The following FRYL variants were observed in gnomAD, a reference collection of about 807,000 sequenced individuals.
FRYL encodes protein furry homolog-like.
A neutral mutation model predicts 351.2 loss-of-function variants in FRYL; 150 were observed. The observed-to-expected ratio is 0.43, with a 90% CI of 0.37 to 0.49. The LOEUF (loss-of-function observed/expected upper bound fraction) is 0.49, where lower values mean the gene tolerates loss of function less well. FRYL is among the 20% of genes least tolerant of loss of function. FRYL has a pLI of 0.00. For missense variants in FRYL, 3,036 were observed against 3,619.3 expected, an observed-to-expected ratio of 0.84 and a Z score of 4.13; for synonymous variants, 1,153 against 1,257.1, an observed-to-expected ratio of 0.92 and a Z score of 1.75.
intron 1 of FRYL, among the ~76,000 whole-genome samples, chr4:48,719,361 T>TA (rs1298218108): frequency 1.3e-5 from 2 of 151,628 alleles, no homozygotes; most frequent in Non-Finnish European, 2.9e-5. Flanking sequence ...GAAATTCCTC[T>TA]AAAATCATTT....
At chr4:48,671,043 T>C (rs1226582575) in intron 3 of FRYL, among the ~76,000 whole-genome samples, 1 of 152,220 alleles carries the variant, frequency 6.6e-6, no homozygotes, top group Non-Finnish European at 1.5e-5. Flanking sequence ...CCATAGTGGT[T>C]GTACTAATGT....
At chr4:48,508,488 G>C (rs112135545) in intron 59 of FRYL, among the ~76,000 whole-genome samples, 1,595 of 152,212 alleles carry the variant, frequency 0.01, 32 homozygotes, top group African/African-American at 0.035. Context: ...TTTATTTGTA[G>C]GTATTTGATA....
rs1309236087 is a variant in FRYL at position 48,567,301 on chromosome 4, T to C, written c.3116A>G (p.Asp1039Gly). The change falls in exon 28 of 64, where the codon GAT becomes GGT. Residue 1039 changes from aspartate (D) to glycine (G), a missense_variant. Asp to Gly is a moderately conservative substitution (Grantham distance 94, BLOSUM62 -1). This residue lies in a region of FRYL where 492 missense variants were observed against 551.5 expected (regional missense o/e 0.89). Coordinates refer to ENST00000358350, the MANE Select transcript of FRYL (RefSeq NM_015030.2). This position sits in a 1 kb window ranked among gnomAD's most constrained non-coding sequence, Gnocchi z 4.2. ...ENEKDSDTLK[D>G]IRCHFSALVA... ...TAAGGCACTAAAATGGCATCGTATATCCTTCAGTGTGTCAGAGTCTTTTTC... is the reference window on the plus strand; with the variant it reads ...TAAGGCACTAAAATGGCATCGTATACCCTTCAGTGTGTCAGAGTCTTTTTC... The C allele has an allele frequency of 6.2e-7, 1 of 1,612,856 alleles. No homozygotes were observed. Among genetic ancestry groups the C allele is most frequent in the African/African-American group, 1.3e-5 (1 of 74,908 alleles).
At chr4:48,689,895 C>CTTTTTTTTT (rs869300628) in intron 2 of FRYL, among the ~76,000 whole-genome samples, 6 of 135,670 alleles carry the variant, frequency 4.4e-5, no homozygotes, top group Non-Finnish European at 6.4e-5. Flanking sequence ...TTCTTTTTTT[C>CTTTTTTTTT]TTTTTTTTTT....
chr4:48,696,120 G>A (rs1428524168), intron 2 of FRYL, among the ~76,000 whole-genome samples: 1 of 152,152 alleles, frequency 6.6e-6, no homozygotes, highest in African/African-American at 2.4e-5. Flanking sequence ...ACAGGGTGGC[G>A]ATTCCTCAAG....
chr4:48,569,643 T>A (rs1297964052), intron 27 of FRYL, among the ~76,000 whole-genome samples: 2 of 152,124 alleles, frequency 1.3e-5, no homozygotes, highest in African/African-American at 2.4e-5. Flanking sequence ...GAAAAGTAAA[T>A]CAATGGTTTA....
chr4:48,623,120 T>G lies in FRYL; in HGVS notation c.174+6A>C. The G allele has an allele frequency of 1.3e-6, 2 of 1,577,898 alleles. No homozygotes were observed. Among genetic ancestry groups the G allele is most frequent in the Non-Finnish European group, 1.7e-6 (2 of 1,159,884 alleles). ...GGAAAAAAAAATTCTCCCAAAATTG[T>G]CATACCTGATCAAACTGAAGATCTT... On this transcript the variant is annotated splice_donor_region_variant and intron_variant, in intron 5 of 63. Coordinates refer to ENST00000358350, the MANE Select transcript of FRYL (RefSeq NM_015030.2).
chr4:48,708,915 T>G (rs149648465), intron 2 of FRYL, among the ~76,000 whole-genome samples: 5 of 138,920 alleles, frequency 3.6e-5, no homozygotes, highest in African/African-American at 8.1e-5. Flanking sequence ...CGTGTGTTTT[T>G]TTTTTTGTTT....
chr4:48,614,833 T>G (rs1172376614), intron 7 of FRYL, among the ~76,000 whole-genome samples: 3 of 129,154 alleles, frequency 2.3e-5, no homozygotes, highest in African/African-American at 8.9e-5. Context: ...TTTTTTTTTT[T>G]TTTTTTTTTT....
At chr4:48,722,046 G>A (rs755878010) in intron 1 of FRYL, among the ~76,000 whole-genome samples, 6 of 152,262 alleles carry the variant, frequency 3.9e-5, no homozygotes, top group Non-Finnish European at 5.9e-5. Context: ...GTTGGGTAAA[G>A]CGTAGAAGAT....
chr4:48,574,861 A>T (rs577132145), intron 25 of FRYL, among the ~76,000 whole-genome samples: 1 of 152,298 alleles, frequency 6.6e-6, no homozygotes, highest in East Asian at 1.9e-4. Flanking sequence ...GCATTTCATT[A>T]TTTCTAGAAC....
intron 11 of FRYL, among the ~76,000 whole-genome samples, chr4:48,604,666 G>A (rs1746390039): frequency 6.6e-6 from 1 of 152,176 alleles, no homozygotes; most frequent in East Asian, 1.9e-4. Flanking sequence ...CAACCTGCTG[G>A]CACTTTGATC....
chr4:48,575,377 C>T (rs1343319493), intron 24 of FRYL, 136 bp from the exon 25 acceptor site: 6 of 893,184 alleles, frequency 6.7e-6, no homozygotes, highest in Non-Finnish European at 1.0e-5. Flanking sequence ...TCAAATTTCA[C>T]CTGGGGTGTA....
Position 48,499,667 on chromosome 4 carries a change from T to G in FRYL, c.8797A>C (p.Ser2933Arg). 1 of 1,613,810 alleles carries G rather than the reference T, an allele frequency of 6.2e-7. No homozygotes were observed. Among genetic ancestry groups the G allele is most frequent in the African/African-American group, 1.3e-5 (1 of 75,020 alleles). ...TCTTCACAACTGCCAAAGATATCACTGGGCCAGAGAGATCTGAAAATACAC... is the reference window on the plus strand; with the variant it reads ...TCTTCACAACTGCCAAAGATATCACGGGGCCAGAGAGATCTGAAAATACAC... ...QVKAFRSLWP[S>R]DIFGSCEDDP... is the part of the protein sequence containing the mutation. Residue 2933 changes from serine (S) to arginine (R), a missense_variant, in exon 64 of 64, where the codon AGT (serine) becomes CGT (arginine). Ser to Arg is a moderately radical substitution (Grantham distance 110). This residue lies in a region of FRYL where 1,987 missense variants were observed against 2,311.7 expected (regional missense o/e 0.86). Transcript: ENST00000358350.
At chr4:48,715,379 G>C (rs926910201) in intron 1 of FRYL, among the ~76,000 whole-genome samples, 4 of 152,160 alleles carry the variant, frequency 2.6e-5, no homozygotes, top group African/African-American at 9.7e-5. Context: ...AAACCCCATC[G>C]TCTCAGCCCA....
intron 1 of FRYL, among the ~76,000 whole-genome samples, chr4:48,768,242 T>A (rs954956864): frequency 6.6e-6 from 1 of 152,188 alleles, no homozygotes; most frequent in African/African-American, 2.4e-5. Context: ...CTCATCTGAA[T>A]TGCGATAGCA....
At chr4:48,628,666 T>C (rs1374323959) in intron 4 of FRYL, among the ~76,000 whole-genome samples, 1 of 152,058 alleles carries the variant, frequency 6.6e-6, no homozygotes, top group Admixed American at 6.6e-5. Flanking sequence ...ATAGCCATAA[T>C]AGAAGGAGGA....
chr4:48,599,223 T>C (rs1745212533), intron 13 of FRYL, among the ~76,000 whole-genome samples: 1 of 152,234 alleles, frequency 6.6e-6, no homozygotes, highest in South Asian at 2.1e-4. Flanking sequence ...CTATGATAAC[T>C]ACTCTTATTA....
Position 48,564,054 on chromosome 4 carries a change from G to T in FRYL, c.3490C>A (p.Pro1164Thr), listed in dbSNP as rs750759532. The change falls in exon 31 of 64, where the codon CCT becomes ACT. Residue 1164 changes from proline (P) to threonine (T), a missense_variant. Physicochemically the swap from Pro to Thr is conservative, Grantham distance 38. Coordinates refer to ENST00000358350, the MANE Select transcript of FRYL (RefSeq NM_015030.2). ...CAGTACATCAGGTTGCTCTGATCAG[G>T]GTTCAGCTCCAGTAACAACGTAACT... Reference protein sequence around the residue: ...EAVTLLLELNPDQSNLMYWAV... With the variant: ...EAVTLLLELNTDQSNLMYWAV... 1.2e-6 allele frequency: 2 copies of T among 1,614,166 alleles called. No individual in the cohort carries two copies. The highest frequency in any genetic ancestry group is 1.7e-5 in the Admixed American group (1 of 60,008).
Sources: allele counts gnomAD v4.1 joint callset (sites outside exome capture counted in the v4.1 genomes callset), GRCh38; gene constraint gnomAD v4.1.1; regional missense constraint gnomAD v4.1.1; non-coding constraint Gnocchi (gnomAD v3.1); transcripts MANE v1.5; gene names NCBI Gene and HGNC (gene_info 2026-07-23, HGNC 2026-07-21).